Variants in ROBO1 observed in about 807,000 individuals in gnomAD.
ROBO1 encodes the protein roundabout homolog 1.
In ROBO1, 149 loss-of-function variants were observed where a neutral mutation model predicts 195.9. The ratio of observed to expected loss-of-function variants is 0.76; its 90% CI spans 0.67 to 0.87. ROBO1 has a LOEUF of 0.87. ROBO1 is among the 40% of genes least tolerant of loss of function. The pLI is 0.00. For missense variants in ROBO1, 1,933 were observed against 2,068.3 expected (o/e 0.93, Z 1.27); for synonymous variants, 816 against 733.2 (o/e 1.11, Z -1.82).
chr3:79,061,628 G>A (rs978367694), intron 3 of ROBO1, among the ~76,000 whole-genome samples: 4 of 152,060 alleles, frequency 2.6e-5, no homozygotes, highest in Non-Finnish European at 4.4e-5. Context: ...TAACCAAATA[G>A]CATGGTACTG....
intron 3 of ROBO1, among the ~76,000 whole-genome samples, chr3:79,046,582 T>C (rs2078598507): frequency 6.6e-6 from 1 of 152,062 alleles, no homozygotes; most frequent in Admixed American, 6.6e-5. Context: ...ACTGAAGAAC[T>C]TGGAGTCCAA....
chr3:79,651,483 T>G (rs983870175), intron 1 of ROBO1, among the ~76,000 whole-genome samples: 2 of 152,118 alleles, frequency 1.3e-5, no homozygotes, highest in African/African-American at 4.8e-5. Context: ...AAAACATCCA[T>G]ATAAATATAG....
At chr3:79,204,491 A>G (rs1008528774) in intron 2 of ROBO1, among the ~76,000 whole-genome samples, 1 of 152,066 alleles carries the variant, frequency 6.6e-6, no homozygotes, top group Non-Finnish European at 1.5e-5. Context: ...GTTAGTACAA[A>G]TAACATGATG....
chr3:79,375,631 T>G (rs2109352488), intron 2 of ROBO1, among the ~76,000 whole-genome samples: 1 of 152,294 alleles, frequency 6.6e-6, no homozygotes, highest in Admixed American at 6.5e-5. Context: ...GAAAGAAGTT[T>G]CCAAGGGGAC....
rs138049335 is a variant in ROBO1 at position 79,314,647 on chromosome 3, T to C, written c.89-189108A>G. On this transcript the variant is annotated intron_variant, in intron 2 of 30. Coordinates refer to ENST00000464233, the MANE Select transcript of ROBO1 (RefSeq NM_002941.4). ...ACTAATACAAAGACTAAAAATTCTG[T>C]TTATTCTTTCCACAAATACTCACTG... Among the ~76,000 whole-genome samples the C allele has an allele frequency of 7.5e-4, 114 of 152,350 alleles. No individual in the cohort carries two copies. The East Asian group carries it at 0.018, about 24-fold the overall frequency.
At chr3:78,902,535 A>G (rs1054056100) in intron 4 of ROBO1, among the ~76,000 whole-genome samples, 15 of 152,124 alleles carry the variant, frequency 9.9e-5, no homozygotes, top group Non-Finnish European at 1.6e-4. Context: ...TTAAGAAGGC[A>G]TATTAATAAA....
chr3:78,919,782 G>A (rs1182706539), intron 4 of ROBO1, among the ~76,000 whole-genome samples: 1 of 152,140 alleles, frequency 6.6e-6, no homozygotes, highest in African/African-American at 2.4e-5. Context: ...GCAAAAAGAA[G>A]AAACAACCAA....
At chr3:79,246,146 T>C (rs1213566312) in intron 2 of ROBO1, among the ~76,000 whole-genome samples, 4 of 152,144 alleles carry the variant, frequency 2.6e-5, no homozygotes, top group Admixed American at 2.0e-4. Flanking sequence ...TTTGGATATA[T>C]TGTCATTTTA....
At chr3:79,482,105 C>T (rs1233977787) in intron 2 of ROBO1, among the ~76,000 whole-genome samples, 1 of 152,080 alleles carries the variant, frequency 6.6e-6, no homozygotes, top group Admixed American at 6.6e-5. Flanking sequence ...GTCTCGTGTA[C>T]TTTGTAAGGA....
chr3:79,280,238 T>G (rs777359169), intron 2 of ROBO1, among the ~76,000 whole-genome samples: 6 of 152,136 alleles, frequency 3.9e-5, no homozygotes, highest in Non-Finnish European at 7.4e-5. Context: ...GGATATTGAA[T>G]GTTCCCAAAT....
At chr3:79,391,832 C>A (rs765170700) in intron 2 of ROBO1, among the ~76,000 whole-genome samples, 1 of 152,014 alleles carries the variant, frequency 6.6e-6, no homozygotes, top group Non-Finnish European at 1.5e-5. Flanking sequence ...GGTGCTTCAG[C>A]CTTGGTTCAA....
At chr3:78,806,171 A>C (rs534034303) in intron 4 of ROBO1, among the ~76,000 whole-genome samples, 2 of 152,134 alleles carry the variant, frequency 1.3e-5, no homozygotes, top group South Asian at 4.1e-4. Flanking sequence ...ACAGGGTCTC[A>C]CTATGTTAAC....
chr3:78,971,610 C>A (rs1284769981), intron 3 of ROBO1, among the ~76,000 whole-genome samples: 1 of 152,156 alleles, frequency 6.6e-6, no homozygotes, highest in Non-Finnish European at 1.5e-5. Flanking sequence ...ACCCAGGAAC[C>A]CTGATATACC....
At chr3:79,135,082 C>G (rs1462903291) in intron 2 of ROBO1, among the ~76,000 whole-genome samples, 4 of 151,726 alleles carry the variant, frequency 2.6e-5, no homozygotes, top group Admixed American at 6.6e-5. Context: ...TAGAGAAGGT[C>G]AAGACTATAA....
intron 3 of ROBO1, among the ~76,000 whole-genome samples, chr3:79,008,971 G>A (rs1222940723): frequency 2.1e-5 from 3 of 141,134 alleles, no homozygotes; most frequent in Non-Finnish European, 3.1e-5. Flanking sequence ...GATGAGTCTC[G>A]CTGTTGTCAC....
At chr3:79,673,163 TTTG>T (rs1417194356) in intron 1 of ROBO1, among the ~76,000 whole-genome samples, 2 of 152,042 alleles carry the variant, frequency 1.3e-5, no homozygotes, top group Non-Finnish European at 2.9e-5. Flanking sequence ...AAAAAATTGA[TTTG>T]TTGTTTTATG....
At chr3:79,718,747 A>G (rs1000114758) in intron 1 of ROBO1, among the ~76,000 whole-genome samples, 9 of 152,062 alleles carry the variant, frequency 5.9e-5, no homozygotes, top group African/African-American at 2.2e-4. Flanking sequence ...AGATATTCTT[A>G]TTAAGCAATA....
intron 1 of ROBO1, among the ~76,000 whole-genome samples, chr3:79,611,384 T>C (rs1411769847): frequency 6.6e-6 from 1 of 152,046 alleles, no homozygotes; most frequent in East Asian, 1.9e-4. Context: ...TTGACTTAAA[T>C]TAACTAAATG....
intron 4 of ROBO1, among the ~76,000 whole-genome samples, chr3:78,836,518 A>AAAAAAAT: frequency 6.6e-6 from 1 of 151,788 alleles, no homozygotes; most frequent in South Asian, 2.1e-4. Flanking sequence ...TCTCCAAAAA[A>AAAAAAAT]AAAAATTATT....
Sources: allele counts gnomAD v4.1 joint callset (sites outside exome capture counted in the v4.1 genomes callset), GRCh38; gene constraint gnomAD v4.1.1; transcripts MANE v1.5; gene names NCBI Gene and HGNC (gene_info 2026-07-23, HGNC 2026-07-21).